Variants in STARD13 observed in about 807,000 individuals in gnomAD.
STARD13 encodes StAR related lipid transfer domain containing 13.
Under a neutral mutation model 106.4 loss-of-function variants are expected in STARD13, and 62 were observed. The observed-to-expected ratio is 0.58, with a 90% CI of 0.48 to 0.72. The LOEUF (loss-of-function observed/expected upper bound fraction) is 0.72, where lower values mean the gene tolerates loss of function less well. Among genes scored for constraint, STARD13 ranks in the 30% least tolerant of loss-of-function variants. The pLI, the probability that STARD13 is intolerant of heterozygous loss-of-function variation, is 0.00. For missense variants in STARD13, 1,387 were observed against 1,424.0 expected (o/e 0.97, Z 0.42); for synonymous variants, 565 against 553.0 (o/e 1.02, Z -0.31).
chr13:33,583,264 A>T, the STARD13 span, among the ~76,000 whole-genome samples: 2 of 152,236 alleles, frequency 1.3e-5, no homozygotes, highest in Admixed American at 6.5e-5. Flanking sequence ...AACATGGAAC[A>T]TAGAAACAAA....
chr13:33,272,376 T>A (rs1891207581), intron 1 of STARD13: 1 of 152,250 alleles, frequency 6.6e-6, no homozygotes, highest in East Asian at 1.9e-4. Flanking sequence ...TTGAATTTTC[T>A]GATTAGGGTT....
At chr13:33,619,698 T>C in the STARD13 span, among the ~76,000 whole-genome samples, 1 of 152,056 alleles carries the variant, frequency 6.6e-6, no homozygotes, top group Non-Finnish European at 1.5e-5. Context: ...ACAAAATAGA[T>C]GGGACAAATG....
chr13:33,632,000 T>C, the STARD13 span, among the ~76,000 whole-genome samples: 1 of 152,234 alleles, frequency 6.6e-6, no homozygotes, highest in Non-Finnish European at 1.5e-5. Flanking sequence ...TAAAAATTCC[T>C]GATCGTAGTG....
chr13:33,673,240 G>C, the STARD13 span, among the ~76,000 whole-genome samples: 1 of 152,116 alleles, frequency 6.6e-6, no homozygotes, highest in African/African-American at 2.4e-5. Flanking sequence ...TCCATCCTTA[G>C]AGGTTTCCCA....
the STARD13 span, among the ~76,000 whole-genome samples, chr13:33,446,493 T>C: frequency 6.6e-6 from 1 of 152,166 alleles, no homozygotes; most frequent in African/African-American, 2.4e-5. Flanking sequence ...TATTTTTGTT[T>C]AATCTTCCCT....
the STARD13 span, among the ~76,000 whole-genome samples, chr13:33,607,675 T>A: frequency 6.6e-6 from 1 of 152,072 alleles, no homozygotes; most frequent in Non-Finnish European, 1.5e-5. Context: ...AGAAAAAAAA[T>A]TCATTCTTGA....
chr13:33,379,959 C>T, the STARD13 span, among the ~76,000 whole-genome samples: 22 of 152,244 alleles, frequency 1.4e-4, no homozygotes, highest in African/African-American at 5.1e-4. Context: ...TCCCTGCACT[C>T]AAGGACAATG....
intron 1 of STARD13, among the ~76,000 whole-genome samples, chr13:33,183,211 T>C (rs1885416895): frequency 6.6e-6 from 1 of 152,202 alleles, no homozygotes; most frequent in Admixed American, 6.5e-5. Flanking sequence ...CCACAGCTCT[T>C]TGAGGGCAGA....
intron 1 of STARD13, among the ~76,000 whole-genome samples, chr13:33,293,921 C>T (rs1232891752): frequency 6.6e-6 from 1 of 152,158 alleles, no homozygotes; most frequent in South Asian, 2.1e-4. Context: ...TGGGTCAATA[C>T]TTAATAAATT....
intron 1 of STARD13, among the ~76,000 whole-genome samples, chr13:33,334,638 A>G: frequency 6.6e-6 from 1 of 152,200 alleles, no homozygotes; most frequent in Non-Finnish European, 1.5e-5. Flanking sequence ...CAAGGAAACC[A>G]TGAAGGGCTT....
At chr13:33,558,345 C>CA in the STARD13 span, among the ~76,000 whole-genome samples, 1 of 151,752 alleles carries the variant, frequency 6.6e-6, no homozygotes, top group Non-Finnish European at 1.5e-5. Flanking sequence ...ATTTTAAAAA[C>CA]AAAAAAGTAC....
the STARD13 span, among the ~76,000 whole-genome samples, chr13:33,437,713 G>T: frequency 6.6e-6 from 1 of 152,152 alleles, no homozygotes; most frequent in Admixed American, 6.6e-5. Flanking sequence ...ATTGGAATTA[G>T]GCTTCTATAA....
chr13:33,470,493 C>T, the STARD13 span, among the ~76,000 whole-genome samples: 5 of 151,890 alleles, frequency 3.3e-5, no homozygotes, highest in Admixed American at 1.3e-4. Flanking sequence ...CTTGCGGAAT[C>T]GCCACACTGT....
the STARD13 span, among the ~76,000 whole-genome samples, chr13:33,575,994 CTT>C: frequency 1.3e-5 from 2 of 152,268 alleles, no homozygotes; most frequent in East Asian, 1.9e-4. Context: ...ATATGGGACT[CTT>C]TAACTGCAAA....
chr13:33,668,627 G>C, the STARD13 span, among the ~76,000 whole-genome samples: 833 of 152,340 alleles, frequency 5.5e-3, 11 homozygotes, highest in African/African-American at 0.018. Context: ...GGAGACTAAA[G>C]AGAACGTGTT....
intron 3 of STARD13, among the ~76,000 whole-genome samples, chr13:33,154,175 G>A (rs1456893636): frequency 6.6e-6 from 1 of 152,192 alleles, no homozygotes; most frequent in Non-Finnish European, 1.5e-5. Flanking sequence ...GGCGCACTGG[G>A]GGCAGGGGGC....
At chr13:33,384,816 A>G in the STARD13 span, among the ~76,000 whole-genome samples, 1 of 152,142 alleles carries the variant, frequency 6.6e-6, no homozygotes, top group Non-Finnish European at 1.5e-5. Context: ...CATGCTGAGC[A>G]AGGAGGGACT....
chr13:33,340,899 A>G (rs1318181508), intron 1 of STARD13, among the ~76,000 whole-genome samples: 1 of 152,222 alleles, frequency 6.6e-6, no homozygotes, highest in Non-Finnish European at 1.5e-5. Context: ...CCTCACCAAG[A>G]TACAGCCATG....
At chr13:33,340,268 A>G (rs1168678355) in intron 1 of STARD13, among the ~76,000 whole-genome samples, 1 of 152,162 alleles carries the variant, frequency 6.6e-6, no homozygotes, top group East Asian at 1.9e-4. Flanking sequence ...CAGTGGTGCA[A>G]TCATGGCTCA....
Sources: allele counts gnomAD v4.1 joint callset (sites outside exome capture counted in the v4.1 genomes callset), GRCh38; gene constraint gnomAD v4.1.1; transcripts MANE v1.5; gene names NCBI Gene and HGNC (gene_info 2026-07-23, HGNC 2026-07-21).